Variants in KIF9 observed in about 807,000 individuals in gnomAD.
The protein encoded by KIF9 is kinesin-like protein KIF9.
KIF9 carries 68 observed loss-of-function variants against 94.8 expected under a neutral mutation model. That is an observed-to-expected ratio of 0.72 (90% CI 0.59 to 0.88). The LOEUF is 0.88. Ranked by LOEUF, KIF9 falls within the 40% of genes least tolerant of loss-of-function variation. KIF9 has a pLI of 0.00. For synonymous variants in KIF9, 343 were observed against 362.1 expected, an observed-to-expected ratio of 0.95 and a Z score of 0.60; for missense variants, 882 against 982.5, an observed-to-expected ratio of 0.90 and a Z score of 1.37.
intron 19 of KIF9, 111 bp downstream of exon 19, chr3:47,235,923 G>C: frequency 1.2e-6 from 1 of 819,162 alleles, no homozygotes; most frequent in East Asian, 2.6e-5. Flanking sequence ...CTGTGGAGAG[G>C]CTGGGAGCAC....
chr3:47,279,033 G>A (rs1336530443), intron 1 of KIF9, among the ~76,000 whole-genome samples: 1 of 151,838 alleles, frequency 6.6e-6, no homozygotes, highest in Non-Finnish European at 1.5e-5. Context: ...GGTGGTGCAT[G>A]CCTATAGTCC....
At chr3:47,247,950 G>T in intron 11 of KIF9, 68 bp downstream of exon 11, 3 of 1,203,814 alleles carry the variant, frequency 2.5e-6, no homozygotes, top group Non-Finnish European at 2.5e-6. Flanking sequence ...TCTGCCCCTA[G>T]CCCCAGTCCC....
At chr3:47,275,597 C>A (rs963078379) in intron 2 of KIF9, 107 bp from the exon 3 acceptor site, 30 of 816,832 alleles carry the variant, frequency 3.7e-5, no homozygotes, top group Non-Finnish European at 5.3e-5. Context: ...AGGAAATGAA[C>A]TGTAGGATGA....
At chr3:47,270,568 T>C (rs1387232254) in intron 5 of KIF9, among the ~76,000 whole-genome samples, 1 of 151,974 alleles carries the variant, frequency 6.6e-6, no homozygotes, top group Middle Eastern at 3.2e-3. Context: ...TTTTTTTCCA[T>C]ACAAGAGCTC....
chr3:47,282,539 G>T lies in KIF9; in HGVS notation c.-50C>A, dbSNP rs987488454. 6.0e-6 allele frequency: 6 copies of T among 998,770 alleles called. No individual in the cohort carries two copies. In the African/African-American group the frequency reaches 8.7e-5, roughly 14 times the overall value. The allele number at this position is 998,770 out of a possible 1,614,324, so 61.9% of individuals were successfully genotyped here. A position where few individuals can be genotyped will look rare whatever the true frequency, so the allele number is the denominator to read the frequency against. On this transcript the variant is annotated 5_prime_UTR_variant, in exon 1 of 21. Coordinates refer to ENST00000684063, the MANE Select transcript of KIF9 (RefSeq NM_182902.4). ...CTCCCGGGACGCGACTGCCGCAACC[G>T]AAACCACCTGCACTCCCCACGCGGG...
At chr3:47,265,038 T>C (rs1044823125) in intron 8 of KIF9, among the ~76,000 whole-genome samples, 3 of 152,226 alleles carry the variant, frequency 2.0e-5, no homozygotes, top group Non-Finnish European at 4.4e-5. Flanking sequence ...CTATGTGAAA[T>C]AAATGTCTAT....
intron 1 of KIF9, among the ~76,000 whole-genome samples, chr3:47,279,010 A>T (rs1702149145): frequency 6.6e-6 from 1 of 151,710 alleles, no homozygotes; most frequent in Admixed American, 6.6e-5. Flanking sequence ...AAAATAAATA[A>T]ATTACCAAGC....
intron 1 of KIF9, among the ~76,000 whole-genome samples, chr3:47,280,428 T>C (rs1290731171): frequency 1.3e-5 from 2 of 152,208 alleles, no homozygotes; most frequent in Non-Finnish European, 2.9e-5. Flanking sequence ...CAACCTCAGC[T>C]GGGCATGGTG....
intron 7 of KIF9, among the ~76,000 whole-genome samples, chr3:47,266,215 T>C (rs766260258): frequency 6.6e-6 from 1 of 152,230 alleles, no homozygotes; most frequent in Non-Finnish European, 1.5e-5. Flanking sequence ...AAGAATCCTG[T>C]GAATATTCAC....
chr3:47,265,146 G>A (rs1391152436), intron 8 of KIF9, among the ~76,000 whole-genome samples: 1 of 152,216 alleles, frequency 6.6e-6, no homozygotes, highest in Non-Finnish European at 1.5e-5. Flanking sequence ...GAGGTAAGGG[G>A]AAGAGAGAAA....
At chr3:47,246,338 C>CAAG (rs1191376468) in intron 12 of KIF9, 86 bp from the exon 13 acceptor site, 1 of 1,092,200 alleles carries the variant, frequency 9.2e-7, no homozygotes, top group East Asian at 2.6e-5. Context: ...AAATCAAGAC[C>CAAG]CCTTGGCTGA....
intron 20 of KIF9, among the ~76,000 whole-genome samples, chr3:47,231,126 AAAT>A (rs1698542934): frequency 6.6e-6 from 1 of 152,240 alleles, no homozygotes; most frequent in Admixed American, 6.5e-5. Context: ...GGACAGAATG[AAAT>A]AAAATACATC....
At position 47,271,295 on chromosome 3, in the gene KIF9, T is replaced by A. The variant is rs927904950; in HGVS notation, c.533A>T (p.Lys178Met). The A allele has an allele frequency of 3.7e-6, 6 of 1,614,014 alleles. No homozygotes were observed. In the Admixed American group the frequency reaches 5.0e-5, roughly 13 times the overall value. ...ACTTGTGAGGTGAACTGACAAGCCC[T>A]TAATGAAGACTCCTTGAGGGTTTTC... ...IVENPQGVFI[K>M]GLSVHLTSQE... Residue 178 changes from lysine (K) to methionine (M), a missense_variant, in exon 5 of 21, where the codon AAG becomes ATG. Physicochemically the swap from Lys to Met is moderately conservative, Grantham distance 95. Transcript: ENST00000684063.
intron 9 of KIF9, among the ~76,000 whole-genome samples, chr3:47,262,582 C>T (rs1671950989): frequency 6.6e-6 from 1 of 152,144 alleles, no homozygotes; most frequent in African/African-American, 2.4e-5. Context: ...CTCAACCATG[C>T]ATTTTATGCC....
At chr3:47,248,352 A>T (rs1279505810) in intron 10 of KIF9, 3 of 456,308 alleles carry the variant, frequency 6.6e-6, no homozygotes, top group African/African-American at 6.1e-5. Flanking sequence ...CAAGCCACAC[A>T]GCCACCTCAA....
chr3:47,244,869 A>G lies in KIF9; in HGVS notation c.1436T>C (p.Phe479Ser). Residue 479 changes from phenylalanine (F) to serine (S), a missense_variant, in exon 15 of 21, where the codon TTT becomes TCT. By Grantham distance (155) the Phe-to-Ser change is radical. Coordinates refer to ENST00000684063, the MANE Select transcript of KIF9 (RefSeq NM_182902.4). ...AGAGAAAGGGGCGACTCCGAGTCCA[A>G]AGTTTTGTCCTTCAGGCTCACCCAC... ...HLVGEPEGQN[F>S]GLGVAPFSTK... is the part of the protein sequence containing the mutation. 6.2e-7 allele frequency: 1 copy of G among 1,614,152 alleles called. No individual in the cohort carries two copies. Among genetic ancestry groups the G allele is most frequent in the South Asian group, 1.1e-5 (1 of 91,078 alleles).
rs528619120 is a variant in KIF9, at chr3:47,240,209, C to A, written c.1924+592G>T. 18 of 236,208 alleles carry A rather than the reference C, an allele frequency of 7.6e-5. 1 individual carries two copies. In the South Asian group the frequency reaches 1.1e-3, roughly 14 times the overall value. 14.6% of individuals were successfully genotyped at this position (236,208 alleles called of 1,614,324 possible). A position where few individuals can be genotyped will look rare whatever the true frequency, so the allele number is the denominator to read the frequency against. On this transcript the variant is annotated intron_variant, in intron 17 of 20. Transcript: ENST00000684063. ...AGAGTAACCAGGTGAGCACCCTCCC[C>A]ACGTTGGGGTTCTTTGCTCTTTGAG...
In KIF9 at chr3:47,242,905, C is replaced by T. The variant is rs796657280; in HGVS notation, c.1709+146G>A. The T allele has an allele frequency of 5.4e-5, 34 of 625,186 alleles. No homozygotes were observed. In the South Asian group the frequency reaches 1.0e-3, roughly 19 times the overall value. 38.7% of individuals were successfully genotyped at this position (625,186 alleles called of 1,614,324 possible). Reference sequence around the variant, plus strand: ...TGGATCATTTTGCAGATGCATAAGTCATGTTTCTTCTTTGGGGACTGTGCT... The same window carrying T: ...TGGATCATTTTGCAGATGCATAAGTTATGTTTCTTCTTTGGGGACTGTGCT... On this transcript the variant is annotated intron_variant, in intron 16 of 20. Coordinates refer to ENST00000684063, the MANE Select transcript of KIF9 (RefSeq NM_182902.4).
chr3:47,242,928 GCTCCTAGT>G, intron 16 of KIF9, 115 bp downstream of exon 16: 1 of 774,808 alleles, frequency 1.3e-6, no homozygotes, highest in East Asian at 2.7e-5. Flanking sequence ...TGGGGACTGT[GCTCCTAGT>G]CTTTGCCTAT....
Sources: gnomAD v4.1 joint callset for allele counts (sites outside exome capture counted in the v4.1 genomes callset) on GRCh38, gnomAD v4.1.1 for gene constraint, MANE v1.5 for transcripts, NCBI Gene and HGNC (gene_info 2026-07-23, HGNC 2026-07-21) for gene names.